The following BTBD9 variants were observed in gnomAD, a reference collection of about 807,000 sequenced individuals.
The protein encoded by BTBD9 is BTB/POZ domain-containing protein 9.
BTBD9 carries 49 observed loss-of-function variants against 64.3 expected under a neutral mutation model. The observed-to-expected ratio is 0.76, with a 90% CI of 0.61 to 0.97. BTBD9 has a LOEUF of 0.97. Among genes scored for constraint, BTBD9 ranks in the 50% least tolerant of loss-of-function variants. BTBD9 has a pLI of 0.00. For missense variants in BTBD9, 598 were observed against 762.1 expected, an observed-to-expected ratio of 0.78 and a Z score of 2.53; for synonymous variants, 260 against 274.7, an observed-to-expected ratio of 0.95 and a Z score of 0.53.
At chr6:38,434,202 A>G (rs1239275844) in intron 6 of BTBD9, among the ~76,000 whole-genome samples, 1 of 152,012 alleles carries the variant, frequency 6.6e-6, no homozygotes, top group Non-Finnish European at 1.5e-5. Flanking sequence ...CTATTAACAT[A>G]GCTAGATCTT....
At chr6:38,635,669 C>T (rs551785531) in intron 1 of BTBD9, among the ~76,000 whole-genome samples, 339 of 152,296 alleles carry the variant, frequency 2.2e-3, no homozygotes, top group Non-Finnish European at 3.6e-3. Flanking sequence ...CATGTGATGC[C>T]TTCTGCCATG....
At chr6:38,187,232 G>T (rs192684308) in intron 10 of BTBD9, among the ~76,000 whole-genome samples, 1 of 152,186 alleles carries the variant, frequency 6.6e-6, no homozygotes, top group Non-Finnish European at 1.5e-5. Context: ...TATTTTAGAC[G>T]TGAGAAACTT....
chr6:38,596,126 A>T, intron 2 of BTBD9: 1 of 881,836 alleles, frequency 1.1e-6, no homozygotes, highest in Non-Finnish European at 1.4e-6. Context: ...GACAATTAAC[A>T]TTCCTTTGCA....
At chr6:38,373,368 T>C (rs13202732) in intron 6 of BTBD9, among the ~76,000 whole-genome samples, 1 of 152,214 alleles carries the variant, frequency 6.6e-6, no homozygotes, top group Non-Finnish European at 1.5e-5. Context: ...GAACTGAATA[T>C]AAGAATTATG....
intron 6 of BTBD9, among the ~76,000 whole-genome samples, chr6:38,494,678 T>C (rs1022813652): frequency 6.6e-6 from 1 of 152,238 alleles, no homozygotes; most frequent in Non-Finnish European, 1.5e-5. Flanking sequence ...AAGATTTCAC[T>C]GTATGCACAT....
chr6:38,587,998 A>G, intron 4 of BTBD9: 2 of 742,770 alleles, frequency 2.7e-6, no homozygotes, highest in Non-Finnish European at 5.1e-6. Context: ...ACCCACCAGG[A>G]GTTCAGCCAC....
chr6:38,462,063 T>G (rs934891830), intron 6 of BTBD9, among the ~76,000 whole-genome samples: 1 of 152,222 alleles, frequency 6.6e-6, no homozygotes, highest in Non-Finnish European at 1.5e-5. Context: ...TCATATGTTC[T>G]TTATTAGATA....
intron 9 of BTBD9, among the ~76,000 whole-genome samples, chr6:38,248,959 T>C (rs903599596): frequency 2.0e-5 from 3 of 152,158 alleles, no homozygotes; most frequent in Admixed American, 6.5e-5. Flanking sequence ...CATCCAGCCA[T>C]GTCACTGTGA....
At chr6:38,324,300 CA>C (rs1400042529) in intron 7 of BTBD9, among the ~76,000 whole-genome samples, 2 of 152,020 alleles carry the variant, frequency 1.3e-5, no homozygotes, top group Non-Finnish European at 2.9e-5. Context: ...GAAACAGATG[CA>C]AAAATTCTAA....
At position 38,345,062 on chromosome 6, in the gene BTBD9, C is replaced by T; in HGVS notation, c.1186G>A (p.Val396Met). 6.2e-7 allele frequency: 1 copy of T among 1,608,814 alleles called. No homozygotes were observed. The highest frequency in any genetic ancestry group is 8.5e-7 in the Non-Finnish European group (1 of 1,176,614). The change falls in exon 7 of 11, where the codon GTG (valine) becomes ATG (methionine). Residue 396 changes from valine to methionine, a missense_variant. Transcript: ENST00000481247. ...YIRIVGTHNT[V>M]NKIFHIVAFE... ...GCCACAATGTGAAAAATCTTGTTCA[C>T]TGTGTTGTGAGTCCCAACAATTCGA...
intron 1 of BTBD9, among the ~76,000 whole-genome samples, chr6:38,613,709 A>T (rs1777695559): frequency 6.6e-6 from 1 of 152,174 alleles, no homozygotes; most frequent in Non-Finnish European, 1.5e-5. Flanking sequence ...ATTTTGTTTC[A>T]ATATAAAAAT....
At chr6:38,440,292 ACT>A (rs1484177018) in intron 6 of BTBD9, among the ~76,000 whole-genome samples, 1 of 152,232 alleles carries the variant, frequency 6.6e-6, no homozygotes, top group African/African-American at 2.4e-5. Flanking sequence ...GGCAAAACGC[ACT>A]AAGTAGAAAC....
At chr6:38,365,448 A>G (rs746648341) in intron 6 of BTBD9, among the ~76,000 whole-genome samples, 3 of 152,190 alleles carry the variant, frequency 2.0e-5, no homozygotes, top group Non-Finnish European at 2.9e-5. Flanking sequence ...TACTCAAGAT[A>G]CTGAAGGTAC....
At chr6:38,432,510 G>A (rs1768490016) in intron 6 of BTBD9, among the ~76,000 whole-genome samples, 1 of 151,924 alleles carries the variant, frequency 6.6e-6, no homozygotes, top group Non-Finnish European at 1.5e-5. Context: ...CTAAAATGTA[G>A]GCATAGTTTC....
intron 6 of BTBD9, among the ~76,000 whole-genome samples, chr6:38,347,217 A>C (rs1056440004): frequency 6.6e-6 from 1 of 152,252 alleles, no homozygotes; most frequent in African/African-American, 2.4e-5. Context: ...TAAGCAACTG[A>C]GAATAAAAAG....
At position 38,430,305 on chromosome 6, in the gene BTBD9, G is replaced by A. The variant is rs568885687; in HGVS notation, c.1155-85212C>T. ...CATGATCATAGCTCACTGAAGCTTCGAACTCCTGGGCTCAAGGGATCCTCT... is the reference window on the plus strand; with the variant it reads ...CATGATCATAGCTCACTGAAGCTTCAAACTCCTGGGCTCAAGGGATCCTCT... On this transcript the variant is annotated intron_variant, in intron 6 of 10. Transcript: ENST00000481247. Among the ~76,000 whole-genome samples the A allele has an allele frequency of 9.3e-5, 14 of 151,212 alleles. No individual in the cohort carries two copies. The South Asian group carries it at 2.1e-3, about 23-fold the overall frequency.
chr6:38,372,337 G>A (rs144819799), intron 6 of BTBD9, among the ~76,000 whole-genome samples: 234 of 152,236 alleles, frequency 1.5e-3, no homozygotes, highest in African/African-American at 5.3e-3. Context: ...AAGCCTAATC[G>A]CAGTATGATG....
chr6:38,429,447 C>T (rs1431105490), intron 6 of BTBD9, among the ~76,000 whole-genome samples: 1 of 136,106 alleles, frequency 7.3e-6, no homozygotes, highest in African/African-American at 2.6e-5. Flanking sequence ...AAGAGCAAGA[C>T]TACGTCTCAA....
At chr6:38,268,401 T>C (rs905174152) in intron 8 of BTBD9, among the ~76,000 whole-genome samples, 1 of 152,180 alleles carries the variant, frequency 6.6e-6, no homozygotes, top group African/African-American at 2.4e-5. Context: ...ACTCACAATT[T>C]AGCTACATGC....
Sources: allele counts gnomAD v4.1 joint callset (sites outside exome capture counted in the v4.1 genomes callset), GRCh38; gene constraint gnomAD v4.1.1; transcripts MANE v1.5; gene names NCBI Gene and HGNC (gene_info 2026-07-23, HGNC 2026-07-21).